The following ATP23 variants were observed in gnomAD, a reference collection of about 807,000 sequenced individuals.
The protein encoded by ATP23 is ATP23 metallopeptidase and ATP synthase assembly factor homolog, also known as mitochondrial inner membrane protease ATP23 homolog.
In ATP23, 24 loss-of-function variants were observed where a neutral mutation model predicts 28.5. That is an observed-to-expected ratio of 0.84 (90% confidence interval 0.61 to 1.18). ATP23 has a LOEUF of 1.18. ATP23 is among the 50% of genes most tolerant of loss of function. The pLI is 0.00. For synonymous variants in ATP23, 99 were observed against 108.6 expected, an observed-to-expected ratio of 0.91 and a Z score of 0.55; for missense variants, 274 against 306.4, an observed-to-expected ratio of 0.89 and a Z score of 0.79.
At chr12:57,946,260 G>A (rs547334416) in intron 2 of ATP23, among the ~76,000 whole-genome samples, 20 of 152,008 alleles carry the variant, frequency 1.3e-4, no homozygotes, top group Non-Finnish European at 2.2e-4. Flanking sequence ...TGGCCTTTCT[G>A]CTACACCAGC....
chr12:57,947,142 TC>T, intron 3 of ATP23, 66 bp downstream of exon 3: 1 of 1,440,126 alleles, frequency 6.9e-7, no homozygotes, highest in Admixed American at 1.7e-5. Context: ...TTGAGCATCT[TC>T]CACATGCTCG....
At chr12:57,947,166 G>C in intron 3 of ATP23, 90 bp downstream of exon 3, 5 of 1,269,988 alleles carry the variant, frequency 3.9e-6, no homozygotes, top group Non-Finnish European at 5.6e-6. Flanking sequence ...ATTCTGTTTG[G>C]TAGACTTTAT....
chr12:57,949,533 G>A (rs995089805), intron 3 of ATP23, among the ~76,000 whole-genome samples: 4 of 151,654 alleles, frequency 2.6e-5, no homozygotes, highest in South Asian at 2.1e-4. Flanking sequence ...TTGCTCTGTC[G>A]CCTAGGCTGG....
Position 57,959,074 on chromosome 12 carries a change from CTT to C in ATP23, c.*2187_*2188del, listed in dbSNP as rs1565880018. Among the ~76,000 whole-genome samples, 1 of 152,102 alleles carries C rather than the reference CTT, an allele frequency of 6.6e-6. No homozygotes were observed. The highest frequency in any genetic ancestry group is 1.5e-5 in the Non-Finnish European group (1 of 68,026). On this transcript the variant is annotated 3_prime_UTR_variant, in exon 6 of 6. Transcript: ENST00000300145. ...AAAAATTCAGGAAACTTTGGACACA[CTT>C]TTAGAAATGCAAAATGCTCTGGAAA...
At chr12:57,951,315 A>G (rs1026866198) in intron 3 of ATP23, among the ~76,000 whole-genome samples, 4 of 152,222 alleles carry the variant, frequency 2.6e-5, no homozygotes, top group African/African-American at 9.6e-5. Context: ...TCTCCTTTTT[A>G]TAGTTGAGGA....
intron 3 of ATP23, among the ~76,000 whole-genome samples, chr12:57,950,031 T>C (rs1279608670): frequency 6.6e-6 from 1 of 152,246 alleles, no homozygotes; most frequent in Non-Finnish European, 1.5e-5. Flanking sequence ...AAATAACTCT[T>C]TTGGCTTCCA....
chr12:57,948,823 A>AT (rs2140532811), intron 3 of ATP23, among the ~76,000 whole-genome samples: 1 of 152,324 alleles, frequency 6.6e-6, no homozygotes, highest in East Asian at 1.9e-4. Flanking sequence ...TGGCTTTACC[A>AT]TCTACATATA....
rs778783698 is a variant in ATP23 at position 57,958,096 on chromosome 12, C to T, written c.*1206C>T. The stretch of plus-strand genomic sequence containing the variant: ...CGGCTTGTGTGGGAGCTGGGTGAGG[C>T]CTGTGACTGCCGGCTTTCCCCTACT... On this transcript the variant is annotated 3_prime_UTR_variant, in exon 6 of 6. Coordinates refer to ENST00000300145, the MANE Select transcript of ATP23 (RefSeq NM_033276.4). Among the ~76,000 whole-genome samples the T allele has an allele frequency of 2.6e-5, 4 of 152,042 alleles. No individual in the cohort carries two copies. Among genetic ancestry groups the T allele is most frequent in the Non-Finnish European group, 4.4e-5 (3 of 67,996 alleles).
In ATP23 at chr12:57,957,175, A is replaced by AATTTGATT; in HGVS notation, c.*288_*295dup. 3.8e-6 allele frequency: 1 copy of AATTTGATT among 264,272 alleles called. No homozygotes were observed. The highest frequency in any genetic ancestry group is 7.0e-6 in the Non-Finnish European group (1 of 142,530). 16.4% of individuals were successfully genotyped at this position (264,272 alleles called of 1,614,324 possible). On this transcript the variant is annotated 3_prime_UTR_variant, in exon 6 of 6. Coordinates refer to ENST00000300145, the MANE Select transcript of ATP23 (RefSeq NM_033276.4). The stretch of plus-strand genomic sequence containing the variant: ...TTTTTATTACATGTGATTATTTTAA[A>AATTTGATT]ATTTGATTATGAAACCTGTGAAGTG...
intron 1 of ATP23, among the ~76,000 whole-genome samples, chr12:57,943,243 T>C (rs1956725025): frequency 6.6e-6 from 1 of 151,774 alleles, no homozygotes; most frequent in Non-Finnish European, 1.5e-5. Flanking sequence ...GTGGAAAGAG[T>C]ATGGGTTGCA....
At chr12:57,950,415 C>T (rs561261992) in intron 3 of ATP23, among the ~76,000 whole-genome samples, 3 of 152,160 alleles carry the variant, frequency 2.0e-5, no homozygotes, top group Non-Finnish European at 4.4e-5. Context: ...TACTCCCTTC[C>T]CCTCCACACC....
chr12:57,953,680 A>C lies in ATP23; in HGVS notation c.528A>C (p.Gln176His), dbSNP rs897579315. 3.2e-5 allele frequency: 51 copies of C among 1,613,876 alleles called. No homozygotes were observed. Among genetic ancestry groups the C allele is most frequent in the Middle Eastern group, 1.6e-4 (1 of 6,082 alleles). ...TCAGGTTACATTTTGGATTAAAACA[A>C]CACCACCAGGTAAAAACTAATATGA... ...EIFRLHFGLK[Q>H]HHQTCVRDRA... Residue 176 changes from glutamine (Q) to histidine (H), a missense_variant, in exon 5 of 6, where the codon CAA becomes CAC. Gln to His is a conservative substitution (Grantham distance 24). Coordinates refer to ENST00000300145, the MANE Select transcript of ATP23 (RefSeq NM_033276.4).
At chr12:57,941,993 CAG>C (rs1312691777) in intron 1 of ATP23, 105 bp downstream of exon 1, 13 of 1,422,934 alleles carry the variant, frequency 9.1e-6, no homozygotes, top group South Asian at 9.0e-5. Context: ...AGGTTCAGCA[CAG>C]AGTCTAGACA....
chr12:57,945,806 T>C (rs1200793707), intron 2 of ATP23, 133 bp downstream of exon 2: 19 of 750,662 alleles, frequency 2.5e-5, no homozygotes, highest in Non-Finnish European at 3.8e-5. Flanking sequence ...ATAGAGGTAA[T>C]TGGCTGCATT....
intron 3 of ATP23, among the ~76,000 whole-genome samples, chr12:57,950,502 G>C (rs906144223): frequency 1.3e-5 from 2 of 151,328 alleles, no homozygotes; most frequent in African/African-American, 4.9e-5. Context: ...CCCACCTCCA[G>C]AGTAGGTCAG....
At position 57,951,908 on chromosome 12, in the gene ATP23, G is replaced by T. The variant is rs767545606; in HGVS notation, c.453+13G>T. 21 of 1,613,546 alleles carry T rather than the reference G, an allele frequency of 1.3e-5. No homozygotes were observed. The highest frequency in any genetic ancestry group is 1.7e-5 in the Non-Finnish European group (20 of 1,179,696). Reference sequence around the variant, plus strand: ...GGCGTGCTCAGAGGTGAGTTTTATTGTATTTTTCTCCAGAATACTCTATGC... The same window carrying T: ...GGCGTGCTCAGAGGTGAGTTTTATTTTATTTTTCTCCAGAATACTCTATGC... On this transcript the variant is annotated intron_variant, in intron 4 of 5. Coordinates refer to ENST00000300145, the MANE Select transcript of ATP23 (RefSeq NM_033276.4).
At chr12:57,941,916 T>C (rs370012464) in intron 1 of ATP23, 28 bp downstream of exon 1, 49 of 1,608,520 alleles carry the variant, frequency 3.0e-5, no homozygotes, top group Non-Finnish European at 3.7e-5. Context: ...GAGGCTGTGG[T>C]TCCACAGAAT....
At position 57,941,872 on chromosome 12, in the gene ATP23, G is replaced by T. The variant is rs749918311; in HGVS notation, c.171G>T (p.Leu57=). 6.2e-7 allele frequency: 1 copy of T among 1,613,650 alleles called. No individual in the cohort carries two copies. The highest frequency in any genetic ancestry group is 1.1e-5 in the South Asian group (1 of 90,932). Residue 57 remains leucine (L), a synonymous_variant, in exon 1 of 6, where the codon CTG becomes CTT. Transcript: ENST00000300145. ...ACCAGAAGTGCCAGCTTAGGCTCCT[G>T]AAGACGCTGGAGACAAGTAGGAGCC... ...TSNQKCQLRL[L]KTLETNPYVK...
In ATP23 at chr12:57,953,642, G is replaced by GT; in HGVS notation, c.491dup (p.Asn165GlnfsTer2). On this transcript the variant is annotated frameshift_variant, in exon 5 of 6. Transcript: ENST00000300145. LOFTEE classifies it high-confidence loss of function. ...TAACCTTAGTGGAGACTGCTCACTTGTCAATGAAATATTCAGGTTACATTT... is the reference window on the plus strand; with the variant it reads ...TAACCTTAGTGGAGACTGCTCACTTGTTCAATGAAATATTCAGGTTACATTT... 8.1e-6 allele frequency: 13 copies of GT among 1,614,102 alleles called. No individual in the cohort carries two copies. The highest frequency in any genetic ancestry group is 1.1e-5 in the Non-Finnish European group (13 of 1,180,008).
Sources: gnomAD v4.1 joint callset for allele counts (sites outside exome capture counted in the v4.1 genomes callset) on GRCh38, gnomAD v4.1.1 for gene constraint, MANE v1.5 for transcripts, NCBI Gene and HGNC (gene_info 2026-07-23, HGNC 2026-07-21) for gene names.